Variants in ARAF observed in about 807,000 individuals in gnomAD.
The protein encoded by ARAF is A-Raf proto-oncogene, serine/threonine kinase.
A neutral mutation model predicts 48.0 loss-of-function variants in ARAF; 18 were observed. The ratio of observed to expected loss-of-function variants is 0.37; its 90% CI spans 0.26 to 0.56. The LOEUF is 0.56. Ranked by LOEUF, ARAF falls within the 20% of genes least tolerant of loss-of-function variation. ARAF has a pLI of 0.77. For synonymous variants in ARAF, 207 were observed against 220.1 expected (o/e 0.94, Z 0.53); for missense variants, 389 against 543.1 (o/e 0.72, Z 2.82).
intron 10 of ARAF, among the ~76,000 whole-genome samples, chrX:47,567,633 G>A (rs372265541): frequency 9.0e-6 from 1 of 111,610 alleles, no homozygotes; most frequent in East Asian, 2.8e-4. Flanking sequence ...TCATGCAGTT[G>A]TTTGTGTTTG....
At chrX:47,568,240 C>A (rs775988261) in intron 10 of ARAF, among the ~76,000 whole-genome samples, 1 of 111,886 alleles carries the variant, frequency 8.9e-6, no homozygotes, top group South Asian at 3.8e-4. Context: ...AGCTCTTTAC[C>A]TCTAAGCTTC....
rs1347055568 is a variant in ARAF at position 47,568,572 on chromosome X, G to A, written c.1077-146G>A. 10 of 567,190 alleles carry A rather than the reference G, an allele frequency of 1.8e-5. No individual in the cohort carries two copies. The East Asian group carries it at 3.3e-4, about 19-fold the overall frequency. The allele number at this position is 567,190 out of a possible 1,213,427, so 46.7% of individuals were successfully genotyped here. A position where few individuals can be genotyped will look rare whatever the true frequency, so the allele number is the denominator to read the frequency against. On this transcript the variant is annotated intron_variant, in intron 10 of 15. Transcript: ENST00000377045. ...CACATCTCACAAATTCATGGAATCTGGCAATGCTTTGGTCCTGAGTGCCCC... is the reference window on the plus strand; with the variant it reads ...CACATCTCACAAATTCATGGAATCTAGCAATGCTTTGGTCCTGAGTGCCCC...
Position 47,569,883 on chromosome X carries a change from C to A in ARAF, c.1420-10C>A. On this transcript the variant is annotated splice_polypyrimidine_tract_variant and intron_variant, in intron 13 of 15. Coordinates refer to ENST00000377045, the MANE Select transcript of ARAF (RefSeq NM_001654.5). ...TCCGTGGTCCCCCTGCCTGGTCTGG[C>A]CTGTTGTAGGCAGCTGAGGTGATCC... 8.3e-7 allele frequency: 1 copy of A among 1,205,386 alleles called. No homozygotes were observed. Among genetic ancestry groups the A allele is most frequent in the East Asian group, 3.0e-5 (1 of 33,401 alleles).
At position 47,566,693 on chromosome X, in the gene ARAF, T is replaced by C. The variant is rs1471373105; in HGVS notation, c.612T>C (p.Asn204=). The change falls in exon 7 of 16, where the codon AAT becomes AAC. Residue 204 remains asparagine (N), a synonymous_variant. Coordinates refer to ENST00000377045, the MANE Select transcript of ARAF (RefSeq NM_001654.5). ...PEHFPFPAPA[N]APLQRIRSTS... ...ACTTCCCCTTCCCTGCCCCAGCCAA[T>C]GCCCCCCTACAGCGCATCCGCTCCA... is the stretch of plus-strand genomic sequence containing the variant. 1 of 1,195,927 alleles carries C rather than the reference T, an allele frequency of 8.4e-7. No individual in the cohort carries two copies. The highest frequency in any genetic ancestry group is 1.1e-6 in the Non-Finnish European group (1 of 887,684).
chrX:47,571,449 G>C lies in ARAF; in HGVS notation c.1813G>C (p.Val605Leu). 1 of 1,204,105 alleles carries C rather than the reference G, an allele frequency of 8.3e-7. No individual in the cohort carries two copies. The highest frequency in any genetic ancestry group is 1.1e-6 in the Non-Finnish European group (1 of 891,881). ...CTGCCTACTCAGCGCAGCCCGCCTT[G>C]TGCCTTAGGCCCCGCCCAAGCCACC... is the stretch of plus-strand genomic sequence containing the variant. ...PACLLSAARL[V>L]P Residue 605 changes from valine to leucine, a missense_variant, in exon 16 of 16, where the codon GTG becomes CTG. Physicochemically the swap from Val to Leu is conservative, Grantham distance 32 (BLOSUM62 1). This residue lies in a region of ARAF where 170 missense variants were observed against 281.4 expected (regional missense o/e 0.60). Coordinates refer to ENST00000377045, the MANE Select transcript of ARAF (RefSeq NM_001654.5).
chrX:47,569,347 C>T (rs188561806), intron 12 of ARAF, 192 bp from the exon 13 acceptor site: 38 of 467,877 alleles, frequency 8.1e-5, no homozygotes, highest in African/African-American at 9.8e-5. Flanking sequence ...GGAGTCACAG[C>T]GGGGCTGAGT....
chrX:47,568,597 CA>C (rs1422113150), intron 10 of ARAF, 120 bp from the exon 11 acceptor site: 1 of 802,442 alleles, frequency 1.2e-6, no homozygotes, highest in African/African-American at 2.1e-5. Flanking sequence ...CTGAGTGCCC[CA>C]AAAGACAGGG....
At chrX:47,566,582 G>A (rs962218132) in intron 6 of ARAF, 57 bp from the exon 7 acceptor site, 12 of 1,102,102 alleles carry the variant, frequency 1.1e-5, no homozygotes, top group Non-Finnish European at 1.3e-5. Context: ...GGTGGGGTGG[G>A]GGGCTTTCTC....
chrX:47,569,172 CA>C (rs1370792284), intron 12 of ARAF, 139 bp downstream of exon 12: 20 of 799,567 alleles, frequency 2.5e-5, no homozygotes, highest in Non-Finnish European at 3.6e-5. Flanking sequence ...TGTGGCCAGC[CA>C]GGGGGCTTTA....
At chrX:47,562,646 C>T (rs1431485809) in intron 1 of ARAF, among the ~76,000 whole-genome samples, 1 of 110,426 alleles carries the variant, frequency 9.1e-6, no homozygotes, top group African/African-American at 3.3e-5. Context: ...ATGCTCTGTC[C>T]CCCTTCCCTG....
In ARAF at chrX:47,571,398, C is replaced by G; in HGVS notation, c.1762C>G (p.Arg588Gly). 1 of 1,209,273 alleles carries G rather than the reference C, an allele frequency of 8.3e-7. No individual in the cohort carries two copies. The highest frequency in any genetic ancestry group is 1.1e-6 in the Non-Finnish European group (1 of 894,365). The change falls in exon 16 of 16, where the codon CGC becomes GGC. Residue 588 changes from arginine to glycine, a missense_variant. Physicochemically the swap from Arg to Gly is moderately radical, Grantham distance 125. Coordinates refer to ENST00000377045, the MANE Select transcript of ARAF (RefSeq NM_001654.5). Reference sequence around the variant, plus strand: ...GAGTGCCTCGGAACCCTCCTTGCACCGCACCCAGGCCGATGAGTTGCCTGC... The same window carrying G: ...GAGTGCCTCGGAACCCTCCTTGCACGGCACCCAGGCCGATGAGTTGCCTGC... ...ERSASEPSLH[R>G]TQADELPACL...
intron 12 of ARAF, 43 bp downstream of exon 12, chrX:47,569,076 G>A: frequency 8.6e-7 from 1 of 1,158,003 alleles, no homozygotes; most frequent in Non-Finnish European, 1.2e-6. Context: ...GGGGTGTCAA[G>A]GGCTTAGAAG....
chrX:47,568,659 G>A (rs774360890), intron 10 of ARAF, 59 bp from the exon 11 acceptor site: 7 of 1,137,154 alleles, frequency 6.2e-6, no homozygotes, highest in Non-Finnish European at 8.4e-6. Context: ...CCTGATGCTC[G>A]GTAAGTGACA....
At chrX:47,568,921 G>T (rs200237581) in intron 11 of ARAF, 27 bp downstream of exon 11, 7 of 1,199,413 alleles carry the variant, frequency 5.8e-6, no homozygotes, top group Admixed American at 2.2e-5. Context: ...GGGGAGGGGT[G>T]GGGGGAAAGG....
At chrX:47,567,985 G>C (rs1416142974) in intron 10 of ARAF, among the ~76,000 whole-genome samples, 1 of 111,330 alleles carries the variant, frequency 9.0e-6, no homozygotes, top group Non-Finnish European at 1.9e-5. Flanking sequence ...TTACTATGTA[G>C]CATAGTACTG....
Position 47,565,335 on chromosome X carries a change from C to A in ARAF, c.542C>A (p.Thr181Asn), listed in dbSNP as rs143159753. 1.1e-3 allele frequency: 1,347 copies of A among 1,208,966 alleles called. 1 individual carries two copies. Among genetic ancestry groups the A allele is most frequent in the Admixed American group, 3.0e-3 (135 of 45,678 alleles). The change falls in exon 6 of 16, where the codon ACC becomes AAC. Residue 181 changes from threonine (T) to asparagine (N), a missense_variant. Transcript: ENST00000377045. The stretch of plus-strand genomic sequence containing the variant: ...AACCGCCCCCTGAATGAGTTGCTAA[C>A]CCCCCAGGGTCCCAGGTAGGGATGC... Reference protein sequence around the residue: ...PSNRPLNELLTPQGPSPRTQH... With the variant: ...PSNRPLNELLNPQGPSPRTQH...
At chrX:47,570,500 C>T (rs1373385316) in intron 14 of ARAF, among the ~76,000 whole-genome samples, 9 of 110,647 alleles carry the variant, frequency 8.1e-5, no homozygotes. Context: ...GGGTATCTAG[C>T]AGGCCCCAGG....
chrX:47,563,758 C>G lies in ARAF; in HGVS notation c.200+429C>G, dbSNP rs193224605. ...ATATGATTTTCTTTTAAGTCAAGAA[C>G]TTTTACCTTTTTGCTTAAAGGAAGC... On this transcript the variant is annotated intron_variant, in intron 3 of 15. Coordinates refer to ENST00000377045, the MANE Select transcript of ARAF (RefSeq NM_001654.5). Among the ~76,000 whole-genome samples, 141 of 112,104 alleles carry G rather than the reference C, an allele frequency of 1.3e-3. 4 individuals are homozygous for G. Among genetic ancestry groups the G allele is most frequent in the Admixed American group, 0.012 (123 of 10,591 alleles).
Position 47,566,938 on chromosome X carries a change from C to A in ARAF, c.727+27C>A, listed in dbSNP as rs376771155. On this transcript the variant is annotated intron_variant, in intron 8 of 15. Coordinates refer to ENST00000377045, the MANE Select transcript of ARAF (RefSeq NM_001654.5). ...TGAGTCCCCTGTGCCTGCACCCTGA[C>A]CCCCGCTGCCCCACTTACCTCCACT... is the stretch of plus-strand genomic sequence containing the variant. The A allele has an allele frequency of 3.8e-5, 46 of 1,209,522 alleles. 1 individual carries two copies. Among genetic ancestry groups the A allele is most frequent in the Non-Finnish European group, 4.4e-5 (39 of 895,182 alleles).
Sources: allele counts gnomAD v4.1 joint callset (sites outside exome capture counted in the v4.1 genomes callset), GRCh38; gene constraint gnomAD v4.1.1; regional missense constraint gnomAD v4.1.1; transcripts MANE v1.5; gene names NCBI Gene and HGNC (gene_info 2026-07-23, HGNC 2026-07-21).